Variants in C12orf56 observed in about 807,000 individuals in gnomAD.
C12orf56 encodes the protein uncharacterized protein C12orf56.
A neutral mutation model predicts 69.9 loss-of-function variants in C12orf56; 71 were observed. That is an observed-to-expected ratio of 1.02 (90% CI 0.84 to 1.24). The LOEUF is 1.24. C12orf56 is among the 50% of genes most tolerant of loss of function. The pLI is 0.00. For synonymous variants in C12orf56, 276 were observed against 274.1 expected (o/e 1.01, Z -0.07); for missense variants, 732 against 738.5 (o/e 0.99, Z 0.10).
intron 12 of C12orf56, 105 bp downstream of exon 12, chr12:64,270,431 T>C (rs1865791): frequency 0.76 from 774,278 of 1,019,272 alleles, 298,595 homozygotes; most frequent in Non-Finnish European, 0.8. Flanking sequence ...AAAGAATTCC[T>C]GATAAATACC....
chr12:64,352,099 G>GTTTTTTTTTTTTTTTTTTTT (rs55762803), intron 2 of C12orf56, among the ~76,000 whole-genome samples: 36 of 148,736 alleles, frequency 2.4e-4, no homozygotes, highest in African/African-American at 6.9e-4. Flanking sequence ...TTTTGTTTTT[G>GTTTTTTTTTTTTTTTTTTTT]TTTTTTTTTT....
chr12:64,341,001 CT>C (rs1016287743), intron 2 of C12orf56, among the ~76,000 whole-genome samples: 12 of 152,198 alleles, frequency 7.9e-5, no homozygotes, highest in African/African-American at 2.7e-4. Context: ...CATGCATACT[CT>C]TTCTTAACTC....
intron 12 of C12orf56, among the ~76,000 whole-genome samples, chr12:64,269,168 G>A (rs1258464808): frequency 6.6e-6 from 1 of 151,088 alleles, no homozygotes; most frequent in African/African-American, 2.4e-5. Flanking sequence ...AAATTGGACT[G>A]TAGTTTTTTT....
intron 2 of C12orf56, among the ~76,000 whole-genome samples, chr12:64,346,386 A>G (rs1396586624): frequency 6.6e-6 from 1 of 152,114 alleles, no homozygotes; most frequent in African/African-American, 2.4e-5. Flanking sequence ...CACCCAGATA[A>G]AGGGTGGGTC....
intron 5 of C12orf56, among the ~76,000 whole-genome samples, chr12:64,305,368 C>A (rs2038497576): frequency 6.6e-6 from 1 of 151,936 alleles, no homozygotes; most frequent in African/African-American, 2.4e-5. Flanking sequence ...TCCAAATGTG[C>A]TGGGTTTTTT....
intron 8 of C12orf56, among the ~76,000 whole-genome samples, chr12:64,279,281 TG>T (rs1410704704): frequency 5.9e-5 from 9 of 152,176 alleles, no homozygotes; most frequent in Non-Finnish European, 1.3e-4. Context: ...CTTTCCAATG[TG>T]GGGTACCGTC....
intron 10 of C12orf56, 36 bp downstream of exon 10, chr12:64,275,262 T>C: frequency 1.0e-6 from 1 of 1,002,658 alleles, no homozygotes; most frequent in Non-Finnish European, 1.4e-6. Flanking sequence ...TATAGTTACA[T>C]AAAATATGTA....
intron 3 of C12orf56, among the ~76,000 whole-genome samples, chr12:64,320,351 C>T (rs2038755464): frequency 6.6e-6 from 1 of 152,124 alleles, no homozygotes; most frequent in South Asian, 2.1e-4. Context: ...ACAATGGGAA[C>T]TCACTATGTT....
chr12:64,347,854 T>C (rs2039167750), intron 2 of C12orf56, among the ~76,000 whole-genome samples: 1 of 152,234 alleles, frequency 6.6e-6, no homozygotes, highest in South Asian at 2.1e-4. Flanking sequence ...ATATAAATTT[T>C]TGCCTAGCGT....
intron 4 of C12orf56, 75 bp downstream of exon 4, chr12:64,318,500 G>C: frequency 7.8e-7 from 1 of 1,279,884 alleles, no homozygotes; most frequent in Non-Finnish European, 1.0e-6. Context: ...AGGTAAAGGA[G>C]GGAGGAGGGC....
chr12:64,275,640 T>A (rs981986664), intron 9 of C12orf56, among the ~76,000 whole-genome samples: 12 of 152,184 alleles, frequency 7.9e-5, no homozygotes, highest in African/African-American at 1.9e-4. Flanking sequence ...CTTATTTTTT[T>A]AATTTTTTGT....
intron 3 of C12orf56, among the ~76,000 whole-genome samples, chr12:64,319,680 T>C (rs1343892435): frequency 6.6e-6 from 1 of 152,328 alleles, no homozygotes; most frequent in East Asian, 1.9e-4. Context: ...ACACGGGGCT[T>C]GCAACTTAGC....
chr12:64,386,821 G>T (rs1278795244), intron 1 of C12orf56, among the ~76,000 whole-genome samples: 1 of 147,630 alleles, frequency 6.8e-6, no homozygotes, highest in Non-Finnish European at 1.5e-5. Context: ...GTGACCCACT[G>T]CGCCCAGCCA....
chr12:64,379,542 T>TCAATC (rs966860003), intron 1 of C12orf56, among the ~76,000 whole-genome samples: 1 of 151,504 alleles, frequency 6.6e-6, no homozygotes, highest in Non-Finnish European at 1.5e-5. Flanking sequence ...CACCTCGGCC[T>TCAATC]CCCAAAGTGC....
chr12:64,336,798 A>T (rs1462853903), intron 2 of C12orf56, among the ~76,000 whole-genome samples: 1 of 152,188 alleles, frequency 6.6e-6, no homozygotes, highest in East Asian at 1.9e-4. Flanking sequence ...TGGATGCCAG[A>T]AGTAGAAGGG....
intron 2 of C12orf56, among the ~76,000 whole-genome samples, chr12:64,342,554 C>T (rs2039088150): frequency 6.6e-6 from 1 of 152,180 alleles, no homozygotes; most frequent in African/African-American, 2.4e-5. Context: ...GCCACTTCCT[C>T]ATGTAACTTA....
chr12:64,363,732 A>G (rs2039427767), intron 1 of C12orf56, among the ~76,000 whole-genome samples: 1 of 152,188 alleles, frequency 6.6e-6, no homozygotes, highest in Admixed American at 6.6e-5. Context: ...CGAGGCCACC[A>G]TTGGAACACT....
intron 2 of C12orf56, among the ~76,000 whole-genome samples, chr12:64,348,271 C>T (rs1228208809): frequency 6.6e-6 from 1 of 151,958 alleles, no homozygotes; most frequent in African/African-American, 2.4e-5. Context: ...GAGCAAGACT[C>T]CATATGAAAA....
intron 4 of C12orf56, 58 bp downstream of exon 4, chr12:64,318,517 G>A: frequency 7.2e-7 from 1 of 1,387,244 alleles, no homozygotes; most frequent in African/African-American, 1.5e-5. Context: ...GGGCTTGTTT[G>A]CTCTAAAAAA....
Sources: gnomAD v4.1 joint callset for allele counts (sites outside exome capture counted in the v4.1 genomes callset) on GRCh38, gnomAD v4.1.1 for gene constraint, MANE v1.5 for transcripts, NCBI Gene and HGNC (gene_info 2026-07-23, HGNC 2026-07-21) for gene names.